Variants in ECE1 observed in about 807,000 individuals in gnomAD.
ECE1 encodes the protein endothelin-converting enzyme 1.
Under a neutral mutation model 98.6 loss-of-function variants are expected in ECE1, and 35 were observed. The ratio of observed to expected loss-of-function variants is 0.35; its 90% CI spans 0.27 to 0.47. The LOEUF (loss-of-function observed/expected upper bound fraction) is 0.47. ECE1 is among the 20% of genes least tolerant of loss of function. The pLI, the probability that ECE1 is intolerant of heterozygous loss-of-function variation, is 1.00. For synonymous variants in ECE1, 394 were observed against 407.1 expected (o/e 0.97, Z 0.39); for missense variants, 814 against 1,025.3 (o/e 0.79, Z 2.81).
intron 4 of ECE1, among the ~76,000 whole-genome samples, chr1:21,261,798 G>C (rs553673812): frequency 5.9e-5 from 9 of 152,188 alleles, no homozygotes; most frequent in Non-Finnish European, 1.0e-4. Context: ...TCCAGAGGGC[G>C]TTCCATTTGA....
At chr1:21,339,551 G>A (rs1049486964) in intron 1 of ECE1, among the ~76,000 whole-genome samples, 14 of 152,210 alleles carry the variant, frequency 9.2e-5, no homozygotes, top group African/African-American at 3.4e-4. Context: ...TTGGTGTGAA[G>A]AGCAGAGATT....
At chr1:21,252,404 C>A (rs1252796198) in intron 8 of ECE1, among the ~76,000 whole-genome samples, 3 of 152,344 alleles carry the variant, frequency 2.0e-5, no homozygotes, top group African/African-American at 7.2e-5. Context: ...CCAGTGAGCT[C>A]CATTTTCCAC....
rs565979193 is a variant in ECE1 at position 21,327,873 on chromosome 1, C to A, written c.3+17503G>T. Among the ~76,000 whole-genome samples, 1 of 152,302 alleles carries A rather than the reference C, an allele frequency of 6.6e-6. No homozygotes were observed. Among genetic ancestry groups the A allele is most frequent in the South Asian group, 2.1e-4 (1 of 4,830 alleles). On this transcript the variant is annotated intron_variant, in intron 1 of 18. Transcript: ENST00000415912. The surrounding 1 kb of genome is among the most constrained non-coding windows in gnomAD (Gnocchi z 4.6). ...GTGGCATTAGATTCTCGTAGGAGCG[C>A]GAACCCTATTGTGAACTGCACGTGC...
chr1:21,258,597 A>T lies in ECE1; in HGVS notation c.762+96T>A. On this transcript the variant is annotated intron_variant, in intron 6 of 18. Transcript: ENST00000374893. This position sits in a 1 kb window ranked among gnomAD's most constrained non-coding sequence, Gnocchi z 4.2. Reference sequence around the variant, plus strand: ...AAACTAGAAGACCGCCGTCCCACCCAGGGCAAGCCCCTCTCCCACCCCAGG... The same window carrying T: ...AAACTAGAAGACCGCCGTCCCACCCTGGGCAAGCCCCTCTCCCACCCCAGG... The T allele has an allele frequency of 1.6e-6, 1 of 611,754 alleles. No individual in the cohort carries two copies. The allele number at this position is 611,754 out of a possible 1,614,324, so 37.9% of individuals were successfully genotyped here.
At chr1:21,223,942 T>G (rs1166018579) in intron 17 of ECE1, among the ~76,000 whole-genome samples, 2 of 152,166 alleles carry the variant, frequency 1.3e-5, no homozygotes, top group African/African-American at 4.8e-5. Context: ...ATTCCTCTAT[T>G]TTAAAACCCT....
At chr1:21,241,151 C>T (rs995114583) in intron 10 of ECE1, among the ~76,000 whole-genome samples, 19 of 152,338 alleles carry the variant, frequency 1.2e-4, no homozygotes, top group Admixed American at 1.0e-3. Flanking sequence ...ATTCTCCTGC[C>T]TCAGCCTCCC....
upstream of ECE1, among the ~76,000 whole-genome samples, chr1:21,293,042 C>T (rs950658088): frequency 6.6e-6 from 1 of 152,206 alleles, no homozygotes; most frequent in African/African-American, 2.4e-5. Context: ...CACAGAACAT[C>T]TCCCCGGGGC....
Position 21,344,572 on chromosome 1 carries a change from GC to G in ECE1, c.3+803del, listed in dbSNP as rs528381259. Among the ~76,000 whole-genome samples the G allele has an allele frequency of 7.9e-5, 12 of 151,260 alleles. No homozygotes were observed. The South Asian group carries it at 1.1e-3, about 13-fold the overall frequency. The stretch of plus-strand genomic sequence containing the variant: ...TCCAGGGACAATGCCCCTCCCAACA[GC>G]CCCCCCCCAGGAAGCCCAGCCTGGA... On this transcript the variant is annotated intron_variant, in intron 1 of 18. Transcript: ENST00000415912.
At chr1:21,302,043 A>C (rs536535339) in intron 1 of ECE1, among the ~76,000 whole-genome samples, 1 of 152,254 alleles carries the variant, frequency 6.6e-6, no homozygotes, top group African/African-American at 2.4e-5. Flanking sequence ...GTGGAGCTGC[A>C]GGAAAGCACG....
rs535924162 is a variant in ECE1 at position 21,261,600 on chromosome 1, G to A, written c.494-1208C>T. Among the ~76,000 whole-genome samples the A allele has an allele frequency of 1.1e-4, 17 of 152,274 alleles. No homozygotes were observed. In the South Asian group the frequency reaches 1.9e-3, roughly 17 times the overall value. On this transcript the variant is annotated intron_variant, in intron 4 of 18. Coordinates refer to ENST00000374893, the MANE Select transcript of ECE1 (RefSeq NM_001397.3). ...GCATACCTGTGTCCACCATTAGACC[G>A]TGAGCTCCTTGGGACAGAAAGCGGG...
intron 2 of ECE1, among the ~76,000 whole-genome samples, chr1:21,284,339 T>C (rs575727208): frequency 6.6e-6 from 1 of 152,264 alleles, no homozygotes; most frequent in East Asian, 1.9e-4. Flanking sequence ...GACTGTGAAA[T>C]GGCCATCCGC....
chr1:21,251,002 G>A (rs151055219), intron 8 of ECE1, among the ~76,000 whole-genome samples: 1,473 of 142,280 alleles, frequency 0.01, 27 homozygotes, highest in African/African-American at 0.035. Flanking sequence ...GCGAGACTCA[G>A]TCTCAAAAAA....
intron 14 of ECE1, among the ~76,000 whole-genome samples, chr1:21,229,482 T>G (rs892478362): frequency 8.5e-5 from 13 of 152,146 alleles, no homozygotes; most frequent in African/African-American, 3.1e-4. Context: ...CGTGGACATC[T>G]GGCAGACATT....
At chr1:21,329,990 C>G (rs1194150297) in intron 1 of ECE1, among the ~76,000 whole-genome samples, 1 of 152,066 alleles carries the variant, frequency 6.6e-6, no homozygotes, top group African/African-American at 2.4e-5. Context: ...CCAGACTGTT[C>G]AGGTTTAAAT....
chr1:21,324,667 A>G (rs1257240295), intron 1 of ECE1, among the ~76,000 whole-genome samples: 3 of 152,150 alleles, frequency 2.0e-5, no homozygotes, highest in Non-Finnish European at 4.4e-5. Context: ...AGCTGAGCTG[A>G]GTCAGGCAGA....
At chr1:21,248,218 T>C (rs376953464) in intron 8 of ECE1, among the ~76,000 whole-genome samples, 75 of 152,148 alleles carry the variant, frequency 4.9e-4, no homozygotes, top group African/African-American at 1.7e-3. Context: ...TTGTCCAGGC[T>C]GGAGTGCAGT....
chr1:21,285,366 T>C (rs2098259340), intron 2 of ECE1, among the ~76,000 whole-genome samples: 1 of 152,126 alleles, frequency 6.6e-6, no homozygotes, highest in African/African-American at 2.4e-5. Context: ...TGGGCCTCAG[T>C]CTCCCATCTC....
intron 4 of ECE1, among the ~76,000 whole-genome samples, chr1:21,269,890 G>A (rs995432374): frequency 1.3e-5 from 2 of 152,164 alleles, no homozygotes; most frequent in South Asian, 2.1e-4. Flanking sequence ...CCTTGGCCTC[G>A]GGGTCAGGGT....
Position 21,239,607 on chromosome 1 carries a change from AG to A in ECE1, c.1279-1364del, listed in dbSNP as rs1165482380. Among the ~76,000 whole-genome samples the A allele has an allele frequency of 2.6e-5, 4 of 152,298 alleles. No individual in the cohort carries two copies. In the East Asian group the frequency reaches 7.7e-4, roughly 29 times the overall value. On this transcript the variant is annotated intron_variant, in intron 10 of 18. Transcript: ENST00000374893. ...GGATAAATTCCACAGACTCAAGCTGAGCAAAAGCAGCCAGGCACATCGTGTA... is the reference window on the plus strand; with the variant it reads ...GGATAAATTCCACAGACTCAAGCTGACAAAAGCAGCCAGGCACATCGTGTA...
Sources: gnomAD v4.1 joint callset for allele counts (sites outside exome capture counted in the v4.1 genomes callset) on GRCh38, gnomAD v4.1.1 for gene constraint, Gnocchi (gnomAD v3.1) non-coding constraint, MANE v1.5 for transcripts, NCBI Gene and HGNC (gene_info 2026-07-23, HGNC 2026-07-21) for gene names.